Variants in SPATS1 observed in about 807,000 individuals in gnomAD.
The protein encoded by SPATS1 is spermatogenesis associated serine rich 1, also known as spermatogenesis-associated serine-rich protein 1.
A neutral mutation model predicts 33.6 loss-of-function variants in SPATS1; 23 were observed. That is an observed-to-expected ratio of 0.68 (90% CI 0.49 to 0.97). The LOEUF (loss-of-function observed/expected upper bound fraction) is 0.97. SPATS1 is among the 50% of genes least tolerant of loss of function. The pLI, the probability that SPATS1 is intolerant of heterozygous loss-of-function variation, is 0.00. For synonymous variants in SPATS1, 131 were observed against 125.6 expected, an observed-to-expected ratio of 1.04 and a Z score of -0.29; for missense variants, 327 against 361.0, an observed-to-expected ratio of 0.91 and a Z score of 0.76.
rs1055829341 is a variant in SPATS1, at chr6:44,377,309, T to C, written c.*246T>C. ...TCATTGTTAATATTTGTTCAAACTT[T>C]CTCTCTCTCACAATATTACAGTTAC... is the stretch of plus-strand genomic sequence containing the variant. On this transcript the variant is annotated 3_prime_UTR_variant, in exon 9 of 9. Coordinates refer to ENST00000674044, the MANE Select transcript of SPATS1 (RefSeq NM_001372081.1). The C allele has an allele frequency of 3.5e-6, 2 of 566,464 alleles. No homozygotes were observed. Among genetic ancestry groups the C allele is most frequent in the South Asian group, 4.1e-5 (2 of 48,370 alleles). The allele number at this position is 566,464 out of a possible 1,614,324, so 35.1% of individuals were successfully genotyped here. A position where few individuals can be genotyped will look rare whatever the true frequency, so the allele number is the denominator to read the frequency against.
In SPATS1 at chr6:44,374,660, CATTT is replaced by C. The variant is rs373777541; in HGVS notation, c.759-1694_759-1691del. On this transcript the variant is annotated intron_variant, in intron 7 of 8. Coordinates refer to ENST00000674044, the MANE Select transcript of SPATS1 (RefSeq NM_001372081.1). ...TTCAGTTCTGTTACATTATTTGTTA[CATTT>C]ATTAGGTGTACTGTATTACATTTAG... is the stretch of plus-strand genomic sequence containing the variant. Among the ~76,000 whole-genome samples, 313 of 152,282 alleles carry C rather than the reference CATTT, an allele frequency of 2.1e-3. 2 individuals are homozygous for C. Among genetic ancestry groups the C allele is most frequent in the African/African-American group, 6.4e-3 (267 of 41,552 alleles).
Position 44,377,259 on chromosome 6 carries a change from C to A in SPATS1, c.*196C>A. The stretch of plus-strand genomic sequence containing the variant: ...GTTGCAAGAATTGTACAACAAACAC[C>A]TGCATATCCTTCACATAGATTCTAT... On this transcript the variant is annotated 3_prime_UTR_variant, in exon 9 of 9. Coordinates refer to ENST00000674044, the MANE Select transcript of SPATS1 (RefSeq NM_001372081.1). The A allele has an allele frequency of 1.6e-6, 1 of 614,304 alleles. No individual in the cohort carries two copies. Among genetic ancestry groups the A allele is most frequent in the Non-Finnish European group, 2.9e-6 (1 of 347,204 alleles). The allele number at this position is 614,304 out of a possible 1,614,324, so 38.1% of individuals were successfully genotyped here. A position where few individuals can be genotyped will look rare whatever the true frequency, so the allele number is the denominator to read the frequency against.
intron 5 of SPATS1, among the ~76,000 whole-genome samples, chr6:44,364,490 ACAGG>A (rs551419555): frequency 6.6e-4 from 101 of 152,176 alleles, no homozygotes; most frequent in Non-Finnish European, 1.3e-3. Context: ...GTATCATTTA[ACAGG>A]TTCCTCTTTC....
At chr6:44,361,483 G>T in intron 4 of SPATS1, 2 of 985,388 alleles carry the variant, frequency 2.0e-6, no homozygotes, top group Non-Finnish European at 1.2e-6. Flanking sequence ...TTCCTACACC[G>T]TTATCAGAGT....
chr6:44,354,057 A>C (rs78919545), intron 3 of SPATS1, among the ~76,000 whole-genome samples: 1 of 149,662 alleles, frequency 6.7e-6, no homozygotes, highest in Non-Finnish European at 1.5e-5. Context: ...AAAAAAACAA[A>C]AAAAAGTCAC....
intron 3 of SPATS1, among the ~76,000 whole-genome samples, chr6:44,359,124 C>A (rs1273056809): frequency 6.6e-6 from 1 of 152,038 alleles, no homozygotes; most frequent in Non-Finnish European, 1.5e-5. Context: ...CCACACCTGG[C>A]TAATTAAAAA....
Position 44,379,008 on chromosome 6 carries a change from C to A in SPATS1, c.*1945C>A, listed in dbSNP as rs1790089124. The A allele has an allele frequency of 1.3e-5, 2 of 152,006 alleles. No individual in the cohort carries two copies. The highest frequency in any genetic ancestry group is 6.6e-5 in the Admixed American group (1 of 15,258). The allele number at this position is 152,006 out of a possible 1,614,324, so 9.4% of individuals were successfully genotyped here. A position where few individuals can be genotyped will look rare whatever the true frequency, so the allele number is the denominator to read the frequency against. On this transcript the variant is annotated 3_prime_UTR_variant, in exon 9 of 9. Coordinates refer to ENST00000674044, the MANE Select transcript of SPATS1 (RefSeq NM_001372081.1). ...TAATTTTTAAAAAGACAGAGGCTGCCAAGAGATTTTCCAGGACACATTAAC... is the reference window on the plus strand; with the variant it reads ...TAATTTTTAAAAAGACAGAGGCTGCAAAGAGATTTTCCAGGACACATTAAC...
At position 44,347,053 on chromosome 6, in the gene SPATS1, G is replaced by A. The variant is rs554789030; in HGVS notation, c.139+3819G>A. ...GGAATACTATGCAGCCATAAAAAAG[G>A]ATGAGTTCATGTCCTTTGCAGGGAC... On this transcript the variant is annotated intron_variant, in intron 2 of 8. Coordinates refer to ENST00000674044, the MANE Select transcript of SPATS1 (RefSeq NM_001372081.1). Among the ~76,000 whole-genome samples the A allele has an allele frequency of 3.6e-3, 546 of 152,326 alleles. 4 individuals carry two copies. The highest frequency in any genetic ancestry group is 6.2e-3 in the Non-Finnish European group (424 of 68,028).
At chr6:44,359,946 T>C (rs984817116) in intron 3 of SPATS1, among the ~76,000 whole-genome samples, 11 of 152,220 alleles carry the variant, frequency 7.2e-5, no homozygotes, top group Non-Finnish European at 8.8e-5. Context: ...CATTCTTCTC[T>C]TGATGGACAC....
chr6:44,354,042 AAAAAAAAAAAAC>A lies in SPATS1; in HGVS notation c.287+1178_287+1189del, dbSNP rs1370680773. ...GACAGAGCGAGACTTCGCCTCAAAA[AAAAAAAAAAAAC>A]AAAAAAAAGTCACATGGCTGGGCAT... On this transcript the variant is annotated intron_variant, in intron 3 of 8. Coordinates refer to ENST00000674044, the MANE Select transcript of SPATS1 (RefSeq NM_001372081.1). Among the ~76,000 whole-genome samples the A allele has an allele frequency of 3.2e-4, 46 of 146,012 alleles. No individual in the cohort carries two copies. The East Asian group carries it at 9.6e-3, about 30-fold the overall frequency.
intron 2 of SPATS1, among the ~76,000 whole-genome samples, chr6:44,349,565 T>C (rs947843200): frequency 2.3e-4 from 35 of 152,182 alleles, no homozygotes; most frequent in Middle Eastern, 3.2e-3. Flanking sequence ...AAAATAAAAA[T>C]TCTAAGTGAT....
intron 3 of SPATS1, 109 bp downstream of exon 3, chr6:44,352,982 C>A: frequency 8.1e-7 from 1 of 1,232,196 alleles, no homozygotes; most frequent in Non-Finnish European, 1.1e-6. Flanking sequence ...GATTCTGGAG[C>A]TAGACTGTGT....
chr6:44,360,783 A>G (rs1262234383), intron 4 of SPATS1, among the ~76,000 whole-genome samples: 1 of 152,270 alleles, frequency 6.6e-6, no homozygotes, highest in Non-Finnish European at 1.5e-5. Context: ...GCAGAAAGAC[A>G]TTAAAATAAT....
intron 2 of SPATS1, among the ~76,000 whole-genome samples, chr6:44,348,128 C>A (rs1434293882): frequency 6.6e-6 from 1 of 151,924 alleles, no homozygotes; most frequent in Non-Finnish European, 1.5e-5. Flanking sequence ...CCTGCCTCAG[C>A]CTCCTGAGTA....
Position 44,355,256 on chromosome 6 carries a change from T to C in SPATS1, c.287+2383T>C, listed in dbSNP as rs75305482. On this transcript the variant is annotated intron_variant, in intron 3 of 8. Coordinates refer to ENST00000674044, the MANE Select transcript of SPATS1 (RefSeq NM_001372081.1). Reference sequence around the variant, plus strand: ...AGAATGACATATAGTTGGAATCGTATAGTATATACCCTTTTCAGATTGGCT... The same window carrying C: ...AGAATGACATATAGTTGGAATCGTACAGTATATACCCTTTTCAGATTGGCT... Among the ~76,000 whole-genome samples, 95 of 151,474 alleles carry C rather than the reference T, an allele frequency of 6.3e-4. 1 individual carries two copies. The East Asian group carries it at 6.5e-3, about 10-fold the overall frequency.
intron 5 of SPATS1, among the ~76,000 whole-genome samples, chr6:44,367,647 C>T (rs369457409): frequency 6.6e-6 from 1 of 152,170 alleles, no homozygotes; most frequent in African/African-American, 2.4e-5. Context: ...TGATGAGTCT[C>T]GTAGTCCAGG....
At chr6:44,373,041 T>C (rs958816516) in intron 7 of SPATS1, among the ~76,000 whole-genome samples, 4 of 152,214 alleles carry the variant, frequency 2.6e-5, no homozygotes, top group Admixed American at 2.0e-4. Flanking sequence ...GTCTGATCTT[T>C]TGGAGTTCTA....
intron 2 of SPATS1, chr6:44,343,591 T>C: frequency 2.3e-6 from 1 of 443,862 alleles, no homozygotes; most frequent in Non-Finnish European, 4.4e-6. Context: ...GAGTCTGCCA[T>C]ACTTTCGAGC....
intron 1 of SPATS1, 47 bp from the exon 2 acceptor site, chr6:44,343,049 C>A: frequency 6.2e-7 from 1 of 1,608,788 alleles, no homozygotes; most frequent in Non-Finnish European, 8.5e-7. Flanking sequence ...GAGGGACTTT[C>A]TTTGTCTCTG....
Sources: allele counts gnomAD v4.1 joint callset (sites outside exome capture counted in the v4.1 genomes callset), GRCh38; gene constraint gnomAD v4.1.1; transcripts MANE v1.5; gene names NCBI Gene and HGNC (gene_info 2026-07-23, HGNC 2026-07-21).